OLFML1: variants seen among roughly 807,000 people sequenced by gnomAD.
OLFML1 encodes olfactomedin like 1.
In OLFML1, 33 loss-of-function variants were observed where a neutral mutation model predicts 37.3. The observed-to-expected ratio is 0.88, with a 90% CI of 0.67 to 1.18. The LOEUF (loss-of-function observed/expected upper bound fraction) is 1.18, where lower values mean the gene tolerates loss of function less well. Ranked by LOEUF, OLFML1 falls within the 50% of genes most tolerant of loss-of-function variation. The probability of loss-of-function intolerance (pLI) is 0.00; values close to 1 mark genes in which losing one functional copy is unlikely to be tolerated. For missense variants in OLFML1, 545 were observed against 483.7 expected (o/e 1.13, Z -1.19); for synonymous variants, 186 against 181.3 (o/e 1.03, Z -0.21).
At chr11:7,494,783 G>A (rs928946136) in intron 2 of OLFML1, among the ~76,000 whole-genome samples, 1 of 152,182 alleles carries the variant, frequency 6.6e-6, no homozygotes, top group Non-Finnish European at 1.5e-5. Context: ...CTTCTGTTGA[G>A]AGTAGGTGCC....
Position 7,509,545 on chromosome 11 carries a change from T to C in OLFML1, c.566T>C (p.Phe189Ser). Reference sequence around the variant, plus strand: ...TCCAGAAACAACACTGTTTGGGAATTTGCAAACATACGGGCATTCATGGAG... The same window carrying C: ...TCCAGAAACAACACTGTTTGGGAATCTGCAAACATACGGGCATTCATGGAG... ...IGSRNNTVWEFANIRAFMEDN... is the reference protein window; with the variant it reads ...IGSRNNTVWESANIRAFMEDN... Residue 189 changes from phenylalanine to serine, a missense_variant, in exon 3 of 3, where the codon TTT becomes TCT. Transcript: ENST00000329293. The C allele has an allele frequency of 6.2e-7, 1 of 1,614,186 alleles. No homozygotes were observed. The highest frequency in any genetic ancestry group is 8.5e-7 in the Non-Finnish European group (1 of 1,180,028).
intron 2 of OLFML1, among the ~76,000 whole-genome samples, chr11:7,491,464 G>C (rs1848596625): frequency 1.6e-5 from 2 of 128,530 alleles, no homozygotes; most frequent in Non-Finnish European, 3.3e-5. Flanking sequence ...CCCCTGCAGA[G>C]CTTAGTTTAG....
chr11:7,497,102 G>C (rs1848671654), intron 2 of OLFML1, among the ~76,000 whole-genome samples: 2 of 152,284 alleles, frequency 1.3e-5, no homozygotes, highest in South Asian at 4.1e-4. Flanking sequence ...GGATGCTCTA[G>C]GACAGTTCTC....
chr11:7,510,402 T>C lies in OLFML1; in HGVS notation c.*214T>C, dbSNP rs185923567. The C allele has an allele frequency of 1.3e-4, 69 of 517,444 alleles. No individual in the cohort carries two copies. The highest frequency in any genetic ancestry group is 4.8e-5 in the Non-Finnish European group (14 of 293,302). The allele number at this position is 517,444 out of a possible 1,614,324, so 32.1% of individuals were successfully genotyped here. A position where few individuals can be genotyped will look rare whatever the true frequency, so the allele number is the denominator to read the frequency against. ...CATATCATCAGGAAAGTTTCAACAA[T>C]GTCCATTACTCCCCCAAACCTCCTG... On this transcript the variant is annotated 3_prime_UTR_variant, in exon 3 of 3. Transcript: ENST00000329293.
At chr11:7,501,907 T>C (rs77847819) in intron 2 of OLFML1, among the ~76,000 whole-genome samples, 1 of 151,968 alleles carries the variant, frequency 6.6e-6, no homozygotes, top group African/African-American at 2.4e-5. Flanking sequence ...ACACTATCCA[T>C]GAAGTTGAAG....
At position 7,509,809 on chromosome 11, in the gene OLFML1, A is replaced by G. The variant is rs776255242; in HGVS notation, c.830A>G (p.His277Arg). The G allele has an allele frequency of 6.2e-7, 1 of 1,614,140 alleles. No homozygotes were observed. Among genetic ancestry groups the G allele is most frequent in the Non-Finnish European group, 8.5e-7 (1 of 1,180,054 alleles). ...TACATTGACCTGGCTGTGGATGAGC[A>G]TGGGCTCTGGGCCATCCACTCTGGG... is the stretch of plus-strand genomic sequence containing the variant. ...STYIDLAVDE[H>R]GLWAIHSGPG... The change falls in exon 3 of 3, where the codon CAT (histidine) becomes CGT (arginine). Residue 277 changes from histidine to arginine, a missense_variant. Coordinates refer to ENST00000329293, the MANE Select transcript of OLFML1 (RefSeq NM_198474.4).
intron 2 of OLFML1, among the ~76,000 whole-genome samples, chr11:7,490,579 C>T (rs1411246547): frequency 6.6e-6 from 1 of 152,172 alleles, no homozygotes; most frequent in Non-Finnish European, 1.5e-5. Context: ...CTTTTTCAAC[C>T]CCCATCCTCT....
intron 2 of OLFML1, among the ~76,000 whole-genome samples, chr11:7,491,073 AC>A (rs1848590143): frequency 6.6e-6 from 1 of 151,318 alleles, no homozygotes; most frequent in Non-Finnish European, 1.5e-5. Flanking sequence ...GTTTAAATAT[AC>A]ATATACATAT....
intron 2 of OLFML1, among the ~76,000 whole-genome samples, chr11:7,498,675 T>G (rs557792468): frequency 2.0e-5 from 3 of 152,212 alleles, no homozygotes; most frequent in Admixed American, 6.5e-5. Context: ...AAAGTCAAGT[T>G]TTATAACACC....
chr11:7,486,427 G>C (rs1033743975), intron 1 of OLFML1, among the ~76,000 whole-genome samples: 4 of 152,104 alleles, frequency 2.6e-5, no homozygotes, highest in African/African-American at 9.7e-5. Context: ...TAGTGTTTCA[G>C]GCTGATAATG....
intron 2 of OLFML1, among the ~76,000 whole-genome samples, chr11:7,499,264 C>T (rs1848694341): frequency 6.6e-6 from 1 of 152,238 alleles, no homozygotes; most frequent in Non-Finnish European, 1.5e-5. Context: ...CCCAGATTCT[C>T]ATTCTCTGGT....
intron 2 of OLFML1, among the ~76,000 whole-genome samples, chr11:7,491,097 G>A (rs1321501182): frequency 6.7e-6 from 1 of 149,836 alleles, no homozygotes. Context: ...TTATGTATGT[G>A]TGTATATATG....
intron 2 of OLFML1, among the ~76,000 whole-genome samples, chr11:7,504,193 T>C (rs1396199641): frequency 2.0e-5 from 3 of 151,888 alleles, no homozygotes; most frequent in African/African-American, 7.3e-5. Flanking sequence ...GAGGAAGTCA[T>C]GTAGATATTT....
intron 2 of OLFML1, among the ~76,000 whole-genome samples, chr11:7,507,173 G>A (rs898785639): frequency 6.6e-6 from 1 of 152,200 alleles, no homozygotes; most frequent in Non-Finnish European, 1.5e-5. Context: ...AAGAATAGTA[G>A]CCTGAAGTGG....
chr11:7,509,582 G>T lies in OLFML1; in HGVS notation c.603G>T (p.Lys201Asn). The T allele has an allele frequency of 6.2e-7, 1 of 1,614,220 alleles. No individual in the cohort carries two copies. Among genetic ancestry groups the T allele is most frequent in the Non-Finnish European group, 8.5e-7 (1 of 1,180,038 alleles). Residue 201 changes from lysine to asparagine, a missense_variant, in exon 3 of 3, where the codon AAG (lysine) becomes AAT (asparagine). Coordinates refer to ENST00000329293, the MANE Select transcript of OLFML1 (RefSeq NM_198474.4). ...GGGCATTCATGGAGGATAACACCAAGCCAGCTCCCCGGAAGCAAATCCTAA... is the reference window on the plus strand; with the variant it reads ...GGGCATTCATGGAGGATAACACCAATCCAGCTCCCCGGAAGCAAATCCTAA... ...NIRAFMEDNTKPAPRKQILTL... is the reference protein window; with the variant it reads ...NIRAFMEDNTNPAPRKQILTL...
Position 7,485,928 on chromosome 11 carries a change from C to T in OLFML1, c.53C>T (p.Ala18Val), listed in dbSNP as rs949429253. 6.2e-7 allele frequency: 1 copy of T among 1,613,968 alleles called. No individual in the cohort carries two copies. Among genetic ancestry groups the T allele is most frequent in the African/African-American group, 1.3e-5 (1 of 75,030 alleles). The change falls in exon 1 of 3, where the codon GCT (alanine) becomes GTT (valine). Residue 18 changes from alanine to valine, a missense_variant. Coordinates refer to ENST00000329293, the MANE Select transcript of OLFML1 (RefSeq NM_198474.4). Reference protein sequence around the residue: ...ASALLVLFLAAFLPPPQCTQD... With the variant: ...ASALLVLFLAVFLPPPQCTQD... ...GCATTGCTGGTTCTGTTCCTTGCAG[C>T]TTTTCTGCCCCCGCCGCAGTGTACC...
At chr11:7,493,055 T>G (rs957042512) in intron 2 of OLFML1, among the ~76,000 whole-genome samples, 1 of 152,232 alleles carries the variant, frequency 6.6e-6, no homozygotes, top group Non-Finnish European at 1.5e-5. Context: ...TCTTTTTAAC[T>G]TGTAAATAGT....
At chr11:7,507,553 T>C (rs1590064171) in intron 2 of OLFML1, among the ~76,000 whole-genome samples, 1 of 24,126 alleles carries the variant, frequency 4.1e-5, no homozygotes, top group African/African-American at 1.6e-4. Flanking sequence ...TATGTGTAAC[T>C]TTTTTTTTTT....
At chr11:7,486,156 GT>G in intron 1 of OLFML1, 152 bp downstream of exon 1, 1 of 749,926 alleles carries the variant, frequency 1.3e-6, no homozygotes, top group Non-Finnish European at 2.1e-6. Context: ...TAGTCTGGCA[GT>G]TTAGAGCCGA....
Sources: gnomAD v4.1 joint callset for allele counts (sites outside exome capture counted in the v4.1 genomes callset) on GRCh38, gnomAD v4.1.1 for gene constraint, MANE v1.5 for transcripts, NCBI Gene and HGNC (gene_info 2026-07-23, HGNC 2026-07-21) for gene names.